Variants in PRR16 observed in about 807,000 individuals in gnomAD.
PRR16 encodes proline rich 16.
In PRR16, 6 loss-of-function variants were observed where a neutral mutation model predicts 18.2. The observed-to-expected ratio is 0.33, with a 90% CI of 0.18 to 0.65. PRR16 has a LOEUF of 0.65. Ranked by LOEUF, PRR16 falls within the 30% of genes least tolerant of loss-of-function variation. PRR16 has a pLI of 0.74. For synonymous variants in PRR16, 151 were observed against 147.8 expected (o/e 1.02, Z -0.16); for missense variants, 412 against 376.6 (o/e 1.09, Z -0.78).
At chr5:120,709,981 A>G in the PRR16 span, among the ~76,000 whole-genome samples, 19 of 152,230 alleles carry the variant, frequency 1.2e-4, no homozygotes, top group African/African-American at 4.3e-4. Flanking sequence ...TATCTTTTGG[A>G]TATATAACCA....
intron 1 of PRR16, among the ~76,000 whole-genome samples, chr5:120,530,470 T>G (rs1264096505): frequency 6.6e-6 from 1 of 151,622 alleles, no homozygotes; most frequent in Non-Finnish European, 1.5e-5. Flanking sequence ...CTTTCTTTCA[T>G]TATATCTCTG....
intron 1 of PRR16, among the ~76,000 whole-genome samples, chr5:120,496,708 T>G (rs1750257814): frequency 6.6e-6 from 1 of 151,932 alleles, no homozygotes; most frequent in African/African-American, 2.4e-5. Flanking sequence ...ATTTTATTGG[T>G]TTTTGCTCCT....
At chr5:120,753,786 T>C in the PRR16 span, among the ~76,000 whole-genome samples, 4 of 144,210 alleles carry the variant, frequency 2.8e-5, no homozygotes, top group African/African-American at 1.0e-4. Flanking sequence ...TATGTAATTA[T>C]ATGTACTCTA....
chr5:120,483,282 C>T (rs533362488), intron 1 of PRR16, among the ~76,000 whole-genome samples: 3 of 152,112 alleles, frequency 2.0e-5, no homozygotes, highest in Non-Finnish European at 2.9e-5. Flanking sequence ...ACTGTATCCC[C>T]AAGTGAAATG....
chr5:120,504,228 C>T lies in PRR16; in HGVS notation c.159+39583C>T, dbSNP rs951757113. Among the ~76,000 whole-genome samples, 5 of 152,126 alleles carry T rather than the reference C, an allele frequency of 3.3e-5. No homozygotes were observed. In the South Asian group the frequency reaches 8.3e-4, roughly 25 times the overall value. On this transcript the variant is annotated intron_variant, in intron 1 of 1. Transcript: ENST00000407149. ...TTCACCCACTCTCTTCTTCCCTCTG[C>T]CCTGACCTTGGTGCTGATTCTGCTA...
At chr5:120,775,196 T>C in the PRR16 span, among the ~76,000 whole-genome samples, 8 of 152,178 alleles carry the variant, frequency 5.3e-5, no homozygotes, top group Non-Finnish European at 5.9e-5. Flanking sequence ...AATTTACTCT[T>C]GATATATTAC....
intron 1 of PRR16, among the ~76,000 whole-genome samples, chr5:120,544,045 A>G (rs566286007): frequency 2.0e-5 from 3 of 152,302 alleles, no homozygotes; most frequent in African/African-American, 7.2e-5. Context: ...GATTTCTGTA[A>G]TAACCCCTTG....
chr5:120,712,711 G>A, the PRR16 span, among the ~76,000 whole-genome samples: 5 of 152,088 alleles, frequency 3.3e-5, no homozygotes, highest in South Asian at 1.0e-3. Context: ...TATATGAAAA[G>A]GTGCTCAACA....
At chr5:120,589,511 C>G (rs1753561199) in intron 1 of PRR16, among the ~76,000 whole-genome samples, 1 of 152,060 alleles carries the variant, frequency 6.6e-6, no homozygotes, top group Admixed American at 6.6e-5. Context: ...TTAGTGTATT[C>G]TCACACTGCT....
chr5:120,485,137 C>A (rs978768944), intron 1 of PRR16, among the ~76,000 whole-genome samples: 3 of 152,030 alleles, frequency 2.0e-5, no homozygotes, highest in Non-Finnish European at 4.4e-5. Context: ...AGCAGTTAAG[C>A]ACTCCTAATT....
the PRR16 span, among the ~76,000 whole-genome samples, chr5:120,728,214 C>T: frequency 6.6e-6 from 1 of 151,736 alleles, no homozygotes; most frequent in Non-Finnish European, 1.5e-5. Context: ...AATCAAATTG[C>T]TGAAGCAAGA....
At chr5:120,500,095 A>G (rs777755350) in intron 1 of PRR16, among the ~76,000 whole-genome samples, 4 of 151,780 alleles carry the variant, frequency 2.6e-5, no homozygotes, top group African/African-American at 4.9e-5. Context: ...GTTAGACTCT[A>G]GCCTACCCTC....
chr5:120,700,888 T>C, the PRR16 span, among the ~76,000 whole-genome samples: 9,113 of 152,136 alleles, frequency 0.06, 337 homozygotes, highest in South Asian at 0.089. Flanking sequence ...GGGAAGGAGT[T>C]GGTCAGAGAG....
chr5:120,769,655 A>T, the PRR16 span, among the ~76,000 whole-genome samples: 4 of 151,988 alleles, frequency 2.6e-5, no homozygotes, highest in African/African-American at 9.6e-5. Flanking sequence ...ATTGCGACTA[A>T]AGCTGCTATG....
At chr5:120,708,108 T>C in the PRR16 span, among the ~76,000 whole-genome samples, 1 of 152,238 alleles carries the variant, frequency 6.6e-6, no homozygotes, top group Non-Finnish European at 1.5e-5. Flanking sequence ...GATAACCATC[T>C]AATTTGTCAG....
chr5:120,673,701 G>C (rs897503185), intron 1 of PRR16, among the ~76,000 whole-genome samples: 3 of 152,138 alleles, frequency 2.0e-5, no homozygotes, highest in African/African-American at 7.2e-5. Context: ...CACTTTGGGA[G>C]AATGAGGTGG....
intron 1 of PRR16, among the ~76,000 whole-genome samples, chr5:120,546,266 G>A (rs1408679219): frequency 6.6e-6 from 1 of 152,060 alleles, no homozygotes; most frequent in South Asian, 2.1e-4. Flanking sequence ...ATATACATAA[G>A]CATGGTTAAT....
At chr5:120,750,275 T>C in the PRR16 span, among the ~76,000 whole-genome samples, 5 of 152,252 alleles carry the variant, frequency 3.3e-5, no homozygotes, top group East Asian at 9.6e-4. Flanking sequence ...CATCCTGATA[T>C]GATACAAGCC....
intron 1 of PRR16, among the ~76,000 whole-genome samples, chr5:120,577,287 A>G (rs1753111147): frequency 6.6e-6 from 1 of 152,070 alleles, no homozygotes; most frequent in African/African-American, 2.4e-5. Context: ...CAACATTTAT[A>G]TTGAGAAGTC....
Sources: gnomAD v4.1 joint callset for allele counts (sites outside exome capture counted in the v4.1 genomes callset) on GRCh38, gnomAD v4.1.1 for gene constraint, MANE v1.5 for transcripts, NCBI Gene and HGNC (gene_info 2026-07-23, HGNC 2026-07-21) for gene names.